Variants in PDZD2 observed in about 807,000 individuals in gnomAD.
The protein encoded by PDZD2 is PDZ domain containing 2, also known as PDZ domain-containing protein 2.
Under a neutral mutation model 220.7 loss-of-function variants are expected in PDZD2, and 90 were observed. That is an observed-to-expected ratio of 0.41 (90% confidence interval 0.34 to 0.49). PDZD2 has a LOEUF of 0.49. Ranked by LOEUF, PDZD2 falls within the 20% of genes least tolerant of loss-of-function variation. The probability of loss-of-function intolerance (pLI) is 0.28; values close to 1 mark genes in which losing one functional copy is unlikely to be tolerated. For synonymous variants in PDZD2, 1,375 were observed against 1,450.5 expected (o/e 0.95, Z 1.18); for missense variants, 3,174 against 3,608.5 (o/e 0.88, Z 3.08).
Position 31,737,686 on chromosome 5 carries a change from T to C in PDZD2, c.-360-61203T>C, listed in dbSNP as rs533803544. Reference sequence around the variant, plus strand: ...ATAATGCAGATGTCCTCTTGAGGTTTCATCTCCTTTCTTCTCCTTCCTCTG... The same window carrying C: ...ATAATGCAGATGTCCTCTTGAGGTTCCATCTCCTTTCTTCTCCTTCCTCTG... On this transcript the variant is annotated intron_variant, in intron 1 of 24. Coordinates refer to ENST00000438447, the MANE Select transcript of PDZD2 (RefSeq NM_178140.4). Among the ~76,000 whole-genome samples the C allele has an allele frequency of 2.6e-5, 4 of 152,342 alleles. No homozygotes were observed. In the East Asian group the frequency reaches 7.7e-4, roughly 29 times the overall value.
intron 1 of PDZD2, among the ~76,000 whole-genome samples, chr5:31,794,139 G>C (rs373901581): frequency 1.1e-4 from 16 of 151,992 alleles, no homozygotes; most frequent in East Asian, 9.7e-4. Context: ...AATTCTTTGG[G>C]GCACAATTTC....
In PDZD2 at chr5:32,108,140, T is replaced by G. The variant is rs374356941; in HGVS notation, c.*5T>G. On this transcript the variant is annotated 3_prime_UTR_variant, in exon 25 of 25. Coordinates refer to ENST00000438447, the MANE Select transcript of PDZD2 (RefSeq NM_178140.4). Reference sequence around the variant, plus strand: ...AAGCATAGGAATTCTTCATGAATTTTAACAAGAATCATTTTCTCAGTTCTC... The same window carrying G: ...AAGCATAGGAATTCTTCATGAATTTGAACAAGAATCATTTTCTCAGTTCTC... 37 of 1,572,696 alleles carry G rather than the reference T, an allele frequency of 2.4e-5. No individual in the cohort carries two copies. Among genetic ancestry groups the G allele is most frequent in the Non-Finnish European group, 8.7e-6 (10 of 1,152,390 alleles).
intron 14 of PDZD2, among the ~76,000 whole-genome samples, chr5:32,063,351 A>T (rs1465349806): frequency 6.6e-6 from 1 of 152,186 alleles, no homozygotes; most frequent in Non-Finnish European, 1.5e-5. Flanking sequence ...GATTTATTAA[A>T]TGACTCTTTC....
chr5:32,069,939 G>A (rs555145231), intron 15 of PDZD2, among the ~76,000 whole-genome samples: 78 of 152,284 alleles, frequency 5.1e-4, no homozygotes, highest in African/African-American at 1.7e-3. Context: ...CATTCAAAAT[G>A]CTAAAGATGA....
chr5:31,722,436 C>T (rs997525600), intron 1 of PDZD2, among the ~76,000 whole-genome samples: 7 of 151,134 alleles, frequency 4.6e-5, no homozygotes, highest in African/African-American at 1.7e-4. Flanking sequence ...TTCTTCTTAT[C>T]TTTTATGTTT....
intron 1 of PDZD2, among the ~76,000 whole-genome samples, chr5:31,657,598 C>G (rs1206680108): frequency 6.6e-6 from 1 of 152,160 alleles, no homozygotes; most frequent in African/African-American, 2.4e-5. Context: ...AGTGAAGGTC[C>G]TGCACTTGAA....
chr5:31,862,750 T>C (rs62361589), intron 2 of PDZD2, among the ~76,000 whole-genome samples: 6,360 of 151,758 alleles, frequency 0.042, 155 homozygotes, highest in Non-Finnish European at 0.054. Flanking sequence ...TTTTCCAAGA[T>C]GGAGTGTTGC....
intron 2 of PDZD2, among the ~76,000 whole-genome samples, chr5:31,825,839 A>G (rs916045327): frequency 1.3e-5 from 2 of 152,220 alleles, no homozygotes; most frequent in Admixed American, 6.5e-5. Flanking sequence ...ATCTTAAACA[A>G]TCACAACGGC....
intron 2 of PDZD2, among the ~76,000 whole-genome samples, chr5:31,871,260 G>A (rs557777054): frequency 3.5e-4 from 53 of 152,110 alleles, no homozygotes; most frequent in African/African-American, 1.3e-3. Flanking sequence ...TAATCAAATT[G>A]CCCCCAAAAC....
At chr5:31,909,041 AAAAC>A in intron 2 of PDZD2, 1 of 205,582 alleles carries the variant, frequency 4.9e-6, no homozygotes, top group Middle Eastern at 1.9e-3. Context: ...ACTCTGTCTC[AAAAC>A]AAACAAAAAG....
rs1474920357 is a variant in PDZD2 at position 32,004,099 on chromosome 5, A to T, written c.1254+3828A>T. 8.4e-5 allele frequency among the ~76,000 whole-genome samples: 12 copies of T among 142,294 alleles called. No homozygotes were observed. The East Asian group carries it at 2.4e-3, about 29-fold the overall frequency. The allele number at this position is 142,294 out of a possible 152,430, so 93.4% of individuals were successfully genotyped here. ...AACACAAAACGTAAGATTAAAAAAA[A>T]AAAAGGTGGGGGGGCCACTTATGGG... On this transcript the variant is annotated intron_variant, in intron 5 of 24. Transcript: ENST00000438447.
intron 6 of PDZD2, among the ~76,000 whole-genome samples, chr5:32,025,867 T>TG (rs1018516443): frequency 6.6e-6 from 1 of 151,982 alleles, no homozygotes; most frequent in Non-Finnish European, 1.5e-5. Context: ...CCCAGAGTGC[T>TG]GGGACTGCAG....
At chr5:31,841,655 G>T (rs1757311699) in intron 2 of PDZD2, among the ~76,000 whole-genome samples, 1 of 149,076 alleles carries the variant, frequency 6.7e-6, no homozygotes, top group South Asian at 2.2e-4. Context: ...CCTGGCGACA[G>T]AGTGAGACTT....
At chr5:31,889,826 C>T (rs764015535) in intron 2 of PDZD2, among the ~76,000 whole-genome samples, 1 of 152,116 alleles carries the variant, frequency 6.6e-6, no homozygotes, top group Admixed American at 6.6e-5. Flanking sequence ...TCGAGACCAG[C>T]TTGGCCAACA....
At chr5:31,836,224 T>C (rs1343211938) in intron 2 of PDZD2, among the ~76,000 whole-genome samples, 27 of 105,392 alleles carry the variant, frequency 2.6e-4, no homozygotes, top group Non-Finnish European at 2.9e-4. Context: ...AGTAATTTTA[T>C]TGGCTTTTTT....
intron 7 of PDZD2, among the ~76,000 whole-genome samples, chr5:32,040,004 C>T (rs151327854): frequency 0.021 from 2,906 of 139,836 alleles, 182 homozygotes; most frequent in African/African-American, 0.078. Flanking sequence ...AAATGAGGAG[C>T]GCCTCTGCCT....
At position 31,935,337 on chromosome 5, in the gene PDZD2, C is replaced by T. The variant is rs374571087; in HGVS notation, c.477-47818C>T. Among the ~76,000 whole-genome samples, 51 of 152,132 alleles carry T rather than the reference C, an allele frequency of 3.4e-4. 1 individual carries two copies. In the East Asian group the frequency reaches 8.3e-3, roughly 25 times the overall value. On this transcript the variant is annotated intron_variant, in intron 2 of 24. Coordinates refer to ENST00000438447, the MANE Select transcript of PDZD2 (RefSeq NM_178140.4). ...AGCTGTAAAACAAGGCAAATTTTAC[C>T]CATAATAGAAACTACTATATATGTG...
At chr5:31,767,920 G>A (rs1168503704) in intron 1 of PDZD2, among the ~76,000 whole-genome samples, 1 of 152,054 alleles carries the variant, frequency 6.6e-6, no homozygotes, top group African/African-American at 2.4e-5. Flanking sequence ...AATATTTTTT[G>A]GTAACATACT....
rs568755763 is a variant in PDZD2 at position 32,069,975 on chromosome 5, G to A, written c.2533+325G>A. ...AAGGGAAACGATACCCAGAATTTCA[G>A]TAGTTTGGTAGATGCAGAGTATTAT... On this transcript the variant is annotated intron_variant, in intron 15 of 24. Transcript: ENST00000438447. 2.6e-5 allele frequency among the ~76,000 whole-genome samples: 4 copies of A among 152,282 alleles called. No homozygotes were observed. In the East Asian group the frequency reaches 7.7e-4, roughly 29 times the overall value.
Sources: allele counts gnomAD v4.1 joint callset (sites outside exome capture counted in the v4.1 genomes callset), GRCh38; gene constraint gnomAD v4.1.1; transcripts MANE v1.5; gene names NCBI Gene and HGNC (gene_info 2026-07-23, HGNC 2026-07-21).